The following FAT3 variants were observed in gnomAD, a reference collection of about 807,000 sequenced individuals.
FAT3 encodes the protein protocadherin Fat 3.
A neutral mutation model predicts 310.2 loss-of-function variants in FAT3; 95 were observed. The ratio of observed to expected loss-of-function variants is 0.31; its 90% CI spans 0.26 to 0.36. The LOEUF is 0.36. Among genes scored for constraint, FAT3 ranks in the 10% least tolerant of loss-of-function variants. The pLI, the probability that FAT3 is intolerant of heterozygous loss-of-function variation, is 1.00. For missense variants in FAT3, 5,408 were observed against 5,715.6 expected (o/e 0.95, Z 1.74); for synonymous variants, 2,314 against 2,192.9 (o/e 1.06, Z -1.54).
chr11:92,243,001 C>A (rs1864728539), intron 1 of FAT3, among the ~76,000 whole-genome samples: 1 of 151,614 alleles, frequency 6.6e-6, no homozygotes, highest in Non-Finnish European at 1.5e-5. Context: ...TAAAATCTTT[C>A]ACTTAAACTT....
At chr11:92,739,385 C>A (rs1360345117) in intron 4 of FAT3, among the ~76,000 whole-genome samples, 1 of 152,202 alleles carries the variant, frequency 6.6e-6, no homozygotes, top group African/African-American at 2.4e-5. Flanking sequence ...AAACAGATAA[C>A]TCTTTATGAT....
At chr11:92,731,437 C>A (rs546247844) in intron 4 of FAT3, among the ~76,000 whole-genome samples, 1 of 152,082 alleles carries the variant, frequency 6.6e-6, no homozygotes, top group Admixed American at 6.6e-5. Flanking sequence ...GAAATATGGA[C>A]CTAGATCAAC....
At chr11:92,827,463 G>A (rs1948130814) in intron 13 of FAT3, among the ~76,000 whole-genome samples, 2 of 152,318 alleles carry the variant, frequency 1.3e-5, no homozygotes, top group African/African-American at 4.8e-5. Flanking sequence ...TAGAAATGCA[G>A]ACCCAGGGAA....
At chr11:92,740,882 G>A (rs1945488456) in intron 4 of FAT3, among the ~76,000 whole-genome samples, 3 of 151,996 alleles carry the variant, frequency 2.0e-5, no homozygotes, top group Non-Finnish European at 4.4e-5. Flanking sequence ...TTCATTTTCT[G>A]GATACATTGA....
chr11:92,306,331 G>A (rs1040463617), intron 1 of FAT3, among the ~76,000 whole-genome samples: 1 of 150,590 alleles, frequency 6.6e-6, no homozygotes. Flanking sequence ...TACTGGGGGT[G>A]CTCTTAGTAG....
rs558385437 is a variant in FAT3 at position 92,781,355 on chromosome 11, C to T, written c.4335+7175C>T. Among the ~76,000 whole-genome samples, 45 of 151,892 alleles carry T rather than the reference C, an allele frequency of 3.0e-4. 1 individual carries two copies. The South Asian group carries it at 8.9e-3, about 30-fold the overall frequency. On this transcript the variant is annotated intron_variant, in intron 7 of 27. Transcript: ENST00000525166. ...GCCTTGGCCTCCCACCGAGCCACCGCGCCCGGCCATAAGGCTCATTCTTAA... is the reference window on the plus strand; with the variant it reads ...GCCTTGGCCTCCCACCGAGCCACCGTGCCCGGCCATAAGGCTCATTCTTAA...
At chr11:92,867,444 A>G (rs191821852) in intron 22 of FAT3, among the ~76,000 whole-genome samples, 23 of 150,882 alleles carry the variant, frequency 1.5e-4, no homozygotes, top group African/African-American at 5.7e-4. Context: ...GCAGTGGCAC[A>G]GGGGCCCAGA....
At chr11:92,728,068 A>G (rs897718944) in intron 4 of FAT3, among the ~76,000 whole-genome samples, 2 of 152,090 alleles carry the variant, frequency 1.3e-5, no homozygotes, top group Non-Finnish European at 2.9e-5. Context: ...GTGGTTTTAC[A>G]TAGCTCTGGT....
intron 3 of FAT3, among the ~76,000 whole-genome samples, chr11:92,640,098 T>C (rs1941903870): frequency 6.6e-6 from 1 of 152,112 alleles, no homozygotes; most frequent in South Asian, 2.1e-4. Flanking sequence ...TTTTTTGCCC[T>C]TTTTTTCTTT....
intron 4 of FAT3, among the ~76,000 whole-genome samples, chr11:92,722,297 C>G (rs899336000): frequency 1.3e-5 from 2 of 152,140 alleles, no homozygotes; most frequent in African/African-American, 4.8e-5. Flanking sequence ...GTCCAGAATC[C>G]AGTGGAACAG....
At chr11:92,846,068 A>G (rs948583582) in intron 19 of FAT3, among the ~76,000 whole-genome samples, 1 of 152,190 alleles carries the variant, frequency 6.6e-6, no homozygotes, top group African/African-American at 2.4e-5. Flanking sequence ...GATGTCACCA[A>G]CATGCAGAAT....
intron 2 of FAT3, among the ~76,000 whole-genome samples, chr11:92,412,402 A>ATTTTTT (rs780298367): frequency 0.016 from 1,639 of 101,118 alleles, 120 homozygotes; most frequent in South Asian, 0.065. Flanking sequence ...GACCCGGCCT[A>ATTTTTT]TTTTTTTTTT....
intron 1 of FAT3, among the ~76,000 whole-genome samples, chr11:92,274,230 G>A (rs1259023296): frequency 6.6e-6 from 1 of 151,966 alleles, no homozygotes; most frequent in African/African-American, 2.4e-5. Flanking sequence ...TGACAATAGA[G>A]AATTGGTTGA....
chr11:92,497,552 A>C (rs999864807), intron 2 of FAT3, among the ~76,000 whole-genome samples: 1 of 152,080 alleles, frequency 6.6e-6, no homozygotes, highest in African/African-American at 2.4e-5. Flanking sequence ...TGAGAAATGT[A>C]ATAGTTGGCT....
At chr11:92,306,956 A>AT (rs574726869) in intron 1 of FAT3, among the ~76,000 whole-genome samples, 14 of 144,990 alleles carry the variant, frequency 9.7e-5, no homozygotes, top group Admixed American at 2.8e-4. Flanking sequence ...ATGTCCGGCT[A>AT]TTTTTTTTTT....
At chr11:92,826,532 T>C (rs1360961266) in intron 13 of FAT3, among the ~76,000 whole-genome samples, 1 of 152,126 alleles carries the variant, frequency 6.6e-6, no homozygotes, top group Non-Finnish European at 1.5e-5. Context: ...AGTGGATCCA[T>C]GAAGGTAGAC....
chr11:92,831,321 CT>C (rs1307429310), intron 13 of FAT3, among the ~76,000 whole-genome samples: 3 of 152,170 alleles, frequency 2.0e-5, no homozygotes, highest in African/African-American at 7.2e-5. Context: ...ATCTTTACCC[CT>C]GCATCTATTA....
chr11:92,551,414 T>TTTTGTGTGTGTGTG (rs139398937), intron 3 of FAT3, among the ~76,000 whole-genome samples: 41 of 128,970 alleles, frequency 3.2e-4, no homozygotes, highest in African/African-American at 1.1e-3. Flanking sequence ...TTTTTTTGTT[T>TTTTGTGTGTGTGTG]TGTGTGTGTG....
At chr11:92,824,725 A>G (rs998060903) in intron 13 of FAT3, among the ~76,000 whole-genome samples, 3 of 152,200 alleles carry the variant, frequency 2.0e-5, no homozygotes, top group Non-Finnish European at 4.4e-5. Context: ...AACAAAAAAG[A>G]AAACAAGTCA....
Sources: gnomAD v4.1 joint callset for allele counts (sites outside exome capture counted in the v4.1 genomes callset) on GRCh38, gnomAD v4.1.1 for gene constraint, MANE v1.5 for transcripts, NCBI Gene and HGNC (gene_info 2026-07-23, HGNC 2026-07-21) for gene names.